Variants in COL25A1 observed in about 807,000 individuals in gnomAD.
The protein encoded by COL25A1 is collagen alpha-1(XXV) chain.
In COL25A1, 103 loss-of-function variants were observed where a neutral mutation model predicts 128.4. That is an observed-to-expected ratio of 0.80 (90% CI 0.68 to 0.94). The LOEUF is 0.94. Among genes scored for constraint, COL25A1 ranks in the 40% least tolerant of loss-of-function variants. The pLI is 0.00. For missense variants in COL25A1, 745 were observed against 840.0 expected (o/e 0.89, Z 1.40); for synonymous variants, 279 against 277.2 (o/e 1.01, Z -0.06).
At chr4:108,879,810 T>C (rs751118663) in intron 19 of COL25A1, among the ~76,000 whole-genome samples, 2 of 151,726 alleles carry the variant, frequency 1.3e-5, no homozygotes, top group Non-Finnish European at 2.9e-5. Context: ...TATTTATTTT[T>C]ATTTATTTAT....
intron 5 of COL25A1, among the ~76,000 whole-genome samples, chr4:109,026,100 GCACACACACACACACA>G (rs56718544): frequency 7.3e-6 from 1 of 137,046 alleles, no homozygotes; most frequent in African/African-American, 2.7e-5. Flanking sequence ...AAAACACTTT[GCACACACACACACACA>G]CACACACACA....
In COL25A1 at chr4:109,244,554, A is replaced by T. The variant is rs541040311; in HGVS notation, c.367+56029T>A. On this transcript the variant is annotated intron_variant, in intron 3 of 37. Coordinates refer to ENST00000399132, the MANE Select transcript of COL25A1 (RefSeq NM_198721.4). ...ATTCACAAACTGCAGCCCTGAGAATAATTATGAGGGCCTAGTTATTTTCTG... is the reference window on the plus strand; with the variant it reads ...ATTCACAAACTGCAGCCCTGAGAATTATTATGAGGGCCTAGTTATTTTCTG... Among the ~76,000 whole-genome samples the T allele has an allele frequency of 2.6e-3, 402 of 152,288 alleles. 2 individuals carry two copies. The highest frequency in any genetic ancestry group is 9.3e-3 in the African/African-American group (388 of 41,572).
At chr4:109,247,869 T>C (rs929487034) in intron 3 of COL25A1, among the ~76,000 whole-genome samples, 9 of 151,810 alleles carry the variant, frequency 5.9e-5, no homozygotes, top group Admixed American at 1.3e-4. Context: ...CATCAAAGGA[T>C]GCTTTTAGCC....
In COL25A1 at chr4:109,029,049, T is replaced by C. The variant is rs571655918; in HGVS notation, c.421-18674A>G. On this transcript the variant is annotated intron_variant, in intron 5 of 37. Transcript: ENST00000399132. ...AATATTTGATGAGTGTGGGCAACTC[T>C]TTCCAGAGTTTCATTGTAAAAGGGA... 5.9e-5 allele frequency among the ~76,000 whole-genome samples: 9 copies of C among 152,320 alleles called. No individual in the cohort carries two copies. In the South Asian group the frequency reaches 1.9e-3, roughly 32 times the overall value.
At chr4:109,181,666 T>C (rs535558458) in intron 3 of COL25A1, among the ~76,000 whole-genome samples, 1 of 152,134 alleles carries the variant, frequency 6.6e-6, no homozygotes. Flanking sequence ...ATTGAGCTAA[T>C]AATTAACAAA....
rs1723806266 is a variant in COL25A1, at chr4:109,285,633, T to C, written c.367+14950A>G. Among the ~76,000 whole-genome samples the C allele has an allele frequency of 3.3e-5, 5 of 152,360 alleles. No homozygotes were observed. The South Asian group carries it at 1.0e-3, about 32-fold the overall frequency. ...CTGAATGCTGACTCGAGAGAGCTGATGGTTCAGCTTTCAGGATTTTGCAAG... is the reference window on the plus strand; with the variant it reads ...CTGAATGCTGACTCGAGAGAGCTGACGGTTCAGCTTTCAGGATTTTGCAAG... On this transcript the variant is annotated intron_variant, in intron 3 of 37. Transcript: ENST00000399132.
chr4:109,160,284 G>T lies in COL25A1; in HGVS notation c.368-110105C>A, dbSNP rs150865086. On this transcript the variant is annotated intron_variant, in intron 3 of 37. Coordinates refer to ENST00000399132, the MANE Select transcript of COL25A1 (RefSeq NM_198721.4). Reference sequence around the variant, plus strand: ...AGAAGAAACACAATCACTCCTTAAAGTTGAACATACGTGTAAAGTTGAAGA... The same window carrying T: ...AGAAGAAACACAATCACTCCTTAAATTTGAACATACGTGTAAAGTTGAAGA... Among the ~76,000 whole-genome samples the T allele has an allele frequency of 7.4e-3, 1,123 of 152,224 alleles. 15 individuals are homozygous for T. Among genetic ancestry groups the T allele is most frequent in the Non-Finnish European group, 0.012 (840 of 68,010 alleles).
intron 3 of COL25A1, among the ~76,000 whole-genome samples, chr4:109,266,177 G>C (rs1781781829): frequency 6.6e-6 from 1 of 152,098 alleles, no homozygotes; most frequent in Admixed American, 6.6e-5. Flanking sequence ...CATTTATCCT[G>C]TCTATTAAAT....
chr4:108,934,044 T>C (rs528771257), intron 11 of COL25A1, among the ~76,000 whole-genome samples: 61 of 152,292 alleles, frequency 4.0e-4, no homozygotes, highest in African/African-American at 1.2e-3. Context: ...CGTATATTTA[T>C]TGCGGTACTA....
intron 26 of COL25A1, among the ~76,000 whole-genome samples, chr4:108,849,017 A>G (rs1040050049): frequency 4.6e-5 from 7 of 152,172 alleles, no homozygotes; most frequent in Non-Finnish European, 8.8e-5. Context: ...CTAAGATCCA[A>G]TGCTTTTAGT....
chr4:109,200,407 T>C (rs775546536), intron 3 of COL25A1, among the ~76,000 whole-genome samples: 41 of 152,102 alleles, frequency 2.7e-4, no homozygotes, highest in Non-Finnish European at 1.6e-4. Context: ...CTTTTTCAAT[T>C]TTTCCTTCTT....
At chr4:109,290,499 A>G (rs1166450752) in intron 3 of COL25A1, among the ~76,000 whole-genome samples, 1 of 152,092 alleles carries the variant, frequency 6.6e-6, no homozygotes, top group Non-Finnish European at 1.5e-5. Context: ...CAAATTAAAA[A>G]CTTCCAGATG....
intron 3 of COL25A1, among the ~76,000 whole-genome samples, chr4:109,251,935 A>G (rs1006008853): frequency 6.6e-6 from 1 of 152,212 alleles, no homozygotes; most frequent in Non-Finnish European, 1.5e-5. Context: ...ACTGTAACTG[A>G]GGCTTCAAAA....
chr4:108,943,747 T>G (rs1160518071), intron 8 of COL25A1, among the ~76,000 whole-genome samples: 1 of 151,976 alleles, frequency 6.6e-6, no homozygotes, highest in Non-Finnish European at 1.5e-5. Context: ...ATTGGGTAAG[T>G]CTGAGAGAGA....
chr4:109,298,080 A>G (rs950796645), intron 3 of COL25A1, among the ~76,000 whole-genome samples: 2 of 151,710 alleles, frequency 1.3e-5, no homozygotes, highest in South Asian at 2.1e-4. Context: ...TGCCTTTACC[A>G]TGTTAAGTTA....
At chr4:108,836,805 C>T (rs995390443) in intron 31 of COL25A1, among the ~76,000 whole-genome samples, 1 of 151,918 alleles carries the variant, frequency 6.6e-6, no homozygotes, top group Non-Finnish European at 1.5e-5. Flanking sequence ...CTAGGCTGGG[C>T]TGGTGGCTCA....
chr4:108,954,598 A>G (rs181973695), intron 8 of COL25A1, among the ~76,000 whole-genome samples: 1 of 152,172 alleles, frequency 6.6e-6, no homozygotes, highest in East Asian at 1.9e-4. Flanking sequence ...TGAGGGCTCA[A>G]AATATGCCTT....
chr4:108,878,672 G>A (rs1452599279), intron 19 of COL25A1, among the ~76,000 whole-genome samples: 1 of 152,118 alleles, frequency 6.6e-6, no homozygotes. Context: ...CATCTTGGTG[G>A]CACTGATGAA....
intron 3 of COL25A1, among the ~76,000 whole-genome samples, chr4:109,283,966 T>C (rs1723625448): frequency 6.6e-6 from 1 of 152,254 alleles, no homozygotes; most frequent in Non-Finnish European, 1.5e-5. Flanking sequence ...CAGTGTTCTA[T>C]GACCAAAAAC....
Sources: gnomAD v4.1 joint callset for allele counts (sites outside exome capture counted in the v4.1 genomes callset) on GRCh38, gnomAD v4.1.1 for gene constraint, MANE v1.5 for transcripts, NCBI Gene and HGNC (gene_info 2026-07-23, HGNC 2026-07-21) for gene names.